The following CLPB variants were observed in gnomAD, a reference collection of about 807,000 sequenced individuals.
The protein encoded by CLPB is mitochondrial disaggregase.
In CLPB, 40 loss-of-function variants were observed where a neutral mutation model predicts 78.4. That is an observed-to-expected ratio of 0.51 (90% CI 0.40 to 0.66). CLPB has a LOEUF of 0.66. Among genes scored for constraint, CLPB ranks in the 30% least tolerant of loss-of-function variants. The pLI is 0.00. For synonymous variants in CLPB, 333 were observed against 348.0 expected (o/e 0.96, Z 0.48); for missense variants, 780 against 886.9 (o/e 0.88, Z 1.53).
At chr11:72,394,238 A>G (rs1478469394) in intron 3 of CLPB, among the ~76,000 whole-genome samples, 2 of 152,356 alleles carry the variant, frequency 1.3e-5, no homozygotes, top group South Asian at 2.1e-4. Context: ...TAAGCAGCTT[A>G]TGGTACAGCT....
At chr11:72,302,434 C>A in intron 9 of CLPB, 86 bp from the exon 10 acceptor site, 2 of 1,151,178 alleles carry the variant, frequency 1.7e-6, no homozygotes, top group South Asian at 2.5e-5. Flanking sequence ...TCAACTATCC[C>A]CAAGGCTTTC....
At chr11:72,361,563 G>C (rs1170836613) in intron 4 of CLPB, among the ~76,000 whole-genome samples, 2 of 152,158 alleles carry the variant, frequency 1.3e-5, no homozygotes, top group Non-Finnish European at 2.9e-5. Context: ...GGCCAGGCAG[G>C]CAGGGAAAAG....
chr11:72,351,089 C>T (rs1450922344), intron 5 of CLPB, among the ~76,000 whole-genome samples: 1 of 152,104 alleles, frequency 6.6e-6, no homozygotes, highest in African/African-American at 2.4e-5. Flanking sequence ...AATCACCTGA[C>T]ACAAGTTCTT....
At chr11:72,334,633 G>A (rs1048716854) in intron 5 of CLPB, among the ~76,000 whole-genome samples, 2 of 152,266 alleles carry the variant, frequency 1.3e-5, no homozygotes, top group Non-Finnish European at 2.9e-5. Context: ...AGGGGCATCA[G>A]GATGGCCCGT....
In CLPB at chr11:72,293,152, G is replaced by C; in HGVS notation, c.*215C>G. The C allele has an allele frequency of 1.7e-6, 1 of 575,284 alleles. No homozygotes were observed. The highest frequency in any genetic ancestry group is 3.1e-6 in the Non-Finnish European group (1 of 327,044). 35.6% of individuals were successfully genotyped at this position (575,284 alleles called of 1,614,324 possible). A position where few individuals can be genotyped will look rare whatever the true frequency, so the allele number is the denominator to read the frequency against. ...CTCCTCTCCTGAAGGCTTGTTAGCA[G>C]GTTATGGGCCCACAACAAAGGGGCC... On this transcript the variant is annotated 3_prime_UTR_variant, in exon 16 of 16. Coordinates refer to ENST00000538039, the MANE Select transcript of CLPB (RefSeq NM_001258392.3).
At chr11:72,424,165 G>A (rs1304644401) in intron 2 of CLPB, among the ~76,000 whole-genome samples, 1 of 152,200 alleles carries the variant, frequency 6.6e-6, no homozygotes, top group East Asian at 1.9e-4. Context: ...GCACGTATCA[G>A]TGCTTCCTTT....
intron 2 of CLPB, among the ~76,000 whole-genome samples, chr11:72,425,305 T>C (rs1856340875): frequency 6.6e-6 from 1 of 152,234 alleles, no homozygotes; most frequent in African/African-American, 2.4e-5. Context: ...TGTTCGTTAC[T>C]GTTAACTGCC....
At chr11:72,299,155 A>AGCCAGCT (rs1352243864) in intron 11 of CLPB, among the ~76,000 whole-genome samples, 1 of 152,202 alleles carries the variant, frequency 6.6e-6, no homozygotes, top group Non-Finnish European at 1.5e-5. Flanking sequence ...AACTGGCAGC[A>AGCCAGCT]GCCAACTGGC....
intron 5 of CLPB, among the ~76,000 whole-genome samples, chr11:72,333,730 C>T (rs900323331): frequency 1.3e-5 from 2 of 152,152 alleles, no homozygotes; most frequent in South Asian, 4.1e-4. Flanking sequence ...TGCTCAGGGA[C>T]TTGTTCGCCT....
intron 9 of CLPB, chr11:72,302,808 G>C (rs1027335383): frequency 8.8e-5 from 14 of 159,404 alleles, no homozygotes; most frequent in Non-Finnish European, 1.4e-4. Context: ...ACTGTGGTGC[G>C]AGGGAGGAGA....
intron 8 of CLPB, among the ~76,000 whole-genome samples, chr11:72,307,649 G>T (rs1406970005): frequency 6.6e-6 from 1 of 152,174 alleles, no homozygotes; most frequent in Admixed American, 6.5e-5. Context: ...CTGCCATTTA[G>T]CCAGGCCCTG....
intron 4 of CLPB, among the ~76,000 whole-genome samples, chr11:72,375,183 A>G (rs1331620973): frequency 6.6e-6 from 1 of 152,200 alleles, no homozygotes; most frequent in Non-Finnish European, 1.5e-5. Context: ...AAAGGAGTCC[A>G]TTATCCCTAA....
chr11:72,368,930 T>C (rs1296989122), intron 4 of CLPB, among the ~76,000 whole-genome samples: 1 of 152,106 alleles, frequency 6.6e-6, no homozygotes, highest in Admixed American at 6.5e-5. Context: ...TATCACCCCA[T>C]CCTAGTGTAG....
At position 72,377,400 on chromosome 11, in the gene CLPB, G is replaced by T. The variant is rs531053215; in HGVS notation, c.646+2881C>A. Among the ~76,000 whole-genome samples the T allele has an allele frequency of 2.0e-5, 3 of 152,228 alleles. No individual in the cohort carries two copies. The South Asian group carries it at 6.2e-4, about 32-fold the overall frequency. Reference sequence around the variant, plus strand: ...AGGAATGTGATCAATAAATACTTTTGAATAAATAAGTGAATCCACAGGAAG... The same window carrying T: ...AGGAATGTGATCAATAAATACTTTTTAATAAATAAGTGAATCCACAGGAAG... On this transcript the variant is annotated intron_variant, in intron 4 of 15. Coordinates refer to ENST00000538039, the MANE Select transcript of CLPB (RefSeq NM_001258392.3).
intron 4 of CLPB, among the ~76,000 whole-genome samples, chr11:72,364,772 G>A (rs1950910529): frequency 6.6e-6 from 1 of 152,100 alleles, no homozygotes; most frequent in Admixed American, 6.6e-5. Flanking sequence ...ACGTGTATTA[G>A]AAAGACCATG....
intron 3 of CLPB, among the ~76,000 whole-genome samples, chr11:72,388,663 A>G (rs762399796): frequency 1.3e-5 from 2 of 152,188 alleles, no homozygotes; most frequent in African/African-American, 4.8e-5. Context: ...ACACCTTGAC[A>G]TATGGCCAGT....
chr11:72,394,258 G>T (rs1855338065), intron 3 of CLPB, among the ~76,000 whole-genome samples: 1 of 152,200 alleles, frequency 6.6e-6, no homozygotes, highest in Non-Finnish European at 1.5e-5. Flanking sequence ...TGTTTTTAAA[G>T]AAGTCTCTTA....
At chr11:72,297,770 A>C (rs1949582996) in intron 11 of CLPB, among the ~76,000 whole-genome samples, 1 of 151,228 alleles carries the variant, frequency 6.6e-6, no homozygotes, top group Non-Finnish European at 1.5e-5. Context: ...CTCATCCCTA[A>C]GGACTGGGTT....
rs1297544497 is a variant in CLPB at position 72,399,876 on chromosome 11, T to C, written c.542+3090A>G. On this transcript the variant is annotated intron_variant, in intron 3 of 15. Coordinates refer to ENST00000538039, the MANE Select transcript of CLPB (RefSeq NM_001258392.3). ...GAGATTGATTATATGAAAATCAGTA[T>C]ATTTCTAATAAGGAAAAACTTATTG... Among the ~76,000 whole-genome samples the C allele has an allele frequency of 1.3e-5, 2 of 152,196 alleles. 1 individual carries two copies. Among genetic ancestry groups the C allele is most frequent in the African/African-American group, 4.8e-5 (2 of 41,452 alleles).
Sources: gnomAD v4.1 joint callset for allele counts (sites outside exome capture counted in the v4.1 genomes callset) on GRCh38, gnomAD v4.1.1 for gene constraint, MANE v1.5 for transcripts, NCBI Gene and HGNC (gene_info 2026-07-23, HGNC 2026-07-21) for gene names.